RASSF3: variants seen among roughly 807,000 people sequenced by gnomAD.
RASSF3 encodes Ras association domain family member 3.
A neutral mutation model predicts 19.9 loss-of-function variants in RASSF3; 19 were observed. That is an observed-to-expected ratio of 0.96 (90% CI 0.67 to 1.40). The LOEUF (loss-of-function observed/expected upper bound fraction) is 1.40, where lower values mean the gene tolerates loss of function less well. RASSF3 is among the 40% of genes most tolerant of loss of function. RASSF3 has a pLI of 0.00. For missense variants in RASSF3, 306 were observed against 289.8 expected (o/e 1.06, Z -0.41); for synonymous variants, 110 against 104.2 (o/e 1.06, Z -0.34).
At chr12:64,588,780 A>G (rs1869861276) in intron 2 of RASSF3, among the ~76,000 whole-genome samples, 1 of 152,166 alleles carries the variant, frequency 6.6e-6, no homozygotes, top group Non-Finnish European at 1.5e-5. Flanking sequence ...ATATTAAATA[A>G]TGAGCATTTC....
chr12:64,633,109 T>G (rs1373885188), intron 1 of RASSF3, among the ~76,000 whole-genome samples: 1 of 152,240 alleles, frequency 6.6e-6, no homozygotes, highest in African/African-American at 2.4e-5. Context: ...TCAATCATTT[T>G]GTTTATTCCT....
intron 1 of RASSF3, among the ~76,000 whole-genome samples, chr12:64,611,060 G>A (rs1870340493): frequency 6.6e-6 from 1 of 152,174 alleles, no homozygotes; most frequent in African/African-American, 2.4e-5. Context: ...AGGCGTCCCC[G>A]GGCCACTCCC....
chr12:64,546,117 AAAAG>A (rs1334675928), downstream of RASSF3, among the ~76,000 whole-genome samples: 8 of 151,332 alleles, frequency 5.3e-5, no homozygotes, highest in African/African-American at 1.5e-4. Flanking sequence ...AAAAAAAAAA[AAAAG>A]AATGCCAAAA....
intron 1 of RASSF3, among the ~76,000 whole-genome samples, chr12:64,646,217 C>CTA (rs1226398648): frequency 6.6e-6 from 1 of 152,158 alleles, no homozygotes; most frequent in Middle Eastern, 3.4e-3. Context: ...TTTTTCTTGG[C>CTA]TATATATATA....
At chr12:64,589,543 T>A (rs1308234602) in intron 2 of RASSF3, among the ~76,000 whole-genome samples, 1 of 152,214 alleles carries the variant, frequency 6.6e-6, no homozygotes, top group Non-Finnish European at 1.5e-5. Flanking sequence ...CACATGCCAG[T>A]ATTGCTTCCA....
intron 1 of RASSF3, among the ~76,000 whole-genome samples, chr12:64,658,743 G>A (rs1872244467): frequency 6.6e-6 from 1 of 152,106 alleles, no homozygotes; most frequent in Admixed American, 6.6e-5. Flanking sequence ...GGAGGTTGCA[G>A]TGAACTGAAA....
intron 4 of RASSF3, among the ~76,000 whole-genome samples, chr12:64,692,525 G>T (rs1868300180): frequency 6.6e-6 from 1 of 152,156 alleles, no homozygotes; most frequent in Non-Finnish European, 1.5e-5. Flanking sequence ...TTTGATTCTG[G>T]TGTTTTGAAG....
chr12:64,645,934 A>G (rs1871715654), intron 1 of RASSF3, among the ~76,000 whole-genome samples: 1 of 152,212 alleles, frequency 6.6e-6, no homozygotes, highest in South Asian at 2.1e-4. Context: ...TCTGACTTTT[A>G]TCACCCTGAG....
chr12:64,641,678 T>C (rs1871538014), intron 1 of RASSF3, among the ~76,000 whole-genome samples: 1 of 151,582 alleles, frequency 6.6e-6, no homozygotes, highest in Non-Finnish European at 1.5e-5. Flanking sequence ...CTAGGGGGCA[T>C]TTAAGCGGTT....
At chr12:64,548,773 A>G (rs2136119837) in intron 2 of RASSF3, among the ~76,000 whole-genome samples, 1 of 152,318 alleles carries the variant, frequency 6.6e-6, no homozygotes, top group Middle Eastern at 3.4e-3. Flanking sequence ...AAAATCTTTA[A>G]ATTTTAAATC....
At chr12:64,659,614 A>G (rs1872273801) in intron 1 of RASSF3, among the ~76,000 whole-genome samples, 1 of 152,198 alleles carries the variant, frequency 6.6e-6, no homozygotes, top group Middle Eastern at 3.2e-3. Context: ...AATAGAATAT[A>G]GCATAATTTG....
At chr12:64,663,922 A>G (rs1872460996) in intron 1 of RASSF3, among the ~76,000 whole-genome samples, 1 of 150,502 alleles carries the variant, frequency 6.6e-6, no homozygotes, top group South Asian at 2.1e-4. Context: ...TCCCAACAAT[A>G]CATAAACCTA....
rs765222909 is a variant in RASSF3, at chr12:64,610,625, C to T, written c.-8C>T. ...GGGAGGCCGCCCGCGCGCGACGGGA[C>T]CGGCAGCATGAGCAGCGGCTACAGC... On this transcript the variant is annotated 5_prime_UTR_variant, in exon 1 of 5. Transcript: ENST00000542104. 2.0e-5 allele frequency: 30 copies of T among 1,528,088 alleles called. No individual in the cohort carries two copies. The South Asian group carries it at 3.4e-4, about 17-fold the overall frequency. 94.7% of individuals were successfully genotyped at this position (1,528,088 alleles called of 1,614,324 possible).
At chr12:64,508,545 T>C (rs1868305755) in intron 1 of RASSF3, among the ~76,000 whole-genome samples, 1 of 150,132 alleles carries the variant, frequency 6.7e-6, no homozygotes, top group Non-Finnish European at 1.5e-5. Flanking sequence ...CAGAAGTGAC[T>C]ATGATCTATA....
intron 1 of RASSF3, among the ~76,000 whole-genome samples, chr12:64,664,770 T>C (rs1446865130): frequency 6.6e-6 from 1 of 152,122 alleles, no homozygotes; most frequent in South Asian, 2.1e-4. Context: ...AATTACTCAA[T>C]AGTTATAGAA....
intron 2 of RASSF3, among the ~76,000 whole-genome samples, chr12:64,546,813 G>T (rs892465316): frequency 6.6e-6 from 1 of 152,142 alleles, no homozygotes; most frequent in African/African-American, 2.4e-5. Flanking sequence ...AGTGTTGTTG[G>T]CTTCAAGCAC....
At chr12:64,542,296 C>G (rs550035549), downstream of RASSF3, among the ~76,000 whole-genome samples, 1 of 152,224 alleles carries the variant, frequency 6.6e-6, no homozygotes, top group South Asian at 2.1e-4. Flanking sequence ...CCACTGTACT[C>G]CATCCAGCCT....
In RASSF3 at chr12:64,688,469, A is replaced by C. The variant is rs775696898; in HGVS notation, c.457+16A>C. The C allele has an allele frequency of 3.2e-6, 5 of 1,567,288 alleles. No individual in the cohort carries two copies. On this transcript the variant is annotated intron_variant, in intron 3 of 4. Transcript: ENST00000542104. ...GAAGACCAAGGTACGCTGCCAGCTT[A>C]AAAGGAAAATGGTCTGTGCTTCTAC...
intron 2 of RASSF3, among the ~76,000 whole-genome samples, chr12:64,687,356 A>G (rs775566565): frequency 3.3e-5 from 5 of 152,172 alleles, no homozygotes; most frequent in Non-Finnish European, 5.9e-5. Flanking sequence ...AACTGTTATT[A>G]CTGTTTTTGG....
Sources: allele counts gnomAD v4.1 joint callset (sites outside exome capture counted in the v4.1 genomes callset), GRCh38; gene constraint gnomAD v4.1.1; transcripts MANE v1.5; gene names NCBI Gene and HGNC (gene_info 2026-07-23, HGNC 2026-07-21).